The following LRRC4C variants were observed in gnomAD, a reference collection of about 807,000 sequenced individuals.
LRRC4C encodes the protein leucine rich repeat containing 4C.
In LRRC4C, 5 loss-of-function variants were observed where a neutral mutation model predicts 33.6. That is an observed-to-expected ratio of 0.15 (90% CI 0.08 to 0.31). The LOEUF is 0.31. Among genes scored for constraint, LRRC4C ranks in the 10% least tolerant of loss-of-function variants. The pLI, the probability that LRRC4C is intolerant of heterozygous loss-of-function variation, is 1.00. For missense variants in LRRC4C, 560 were observed against 796.7 expected, an observed-to-expected ratio of 0.70 and a Z score of 3.58; for synonymous variants, 329 against 302.0, an observed-to-expected ratio of 1.09 and a Z score of -0.93.
chr11:41,046,143 G>A (rs1361084783), intron 1 of LRRC4C, among the ~76,000 whole-genome samples: 1 of 151,996 alleles, frequency 6.6e-6, no homozygotes, highest in East Asian at 1.9e-4. Context: ...TGCTAATAAA[G>A]GAATAACTCT....
chr11:40,975,872 T>C (rs1852045561), intron 1 of LRRC4C, among the ~76,000 whole-genome samples: 1 of 152,188 alleles, frequency 6.6e-6, no homozygotes, highest in East Asian at 1.9e-4. Flanking sequence ...TACTTGCTGA[T>C]CTGAACCCAA....
chr11:40,837,747 G>A (rs1221341250), intron 2 of LRRC4C, among the ~76,000 whole-genome samples: 1 of 151,686 alleles, frequency 6.6e-6, no homozygotes, highest in Non-Finnish European at 1.5e-5. Context: ...CTACTGGTGA[G>A]GCTGAAGAGG....
chr11:40,473,559 C>T (rs1274572615), intron 3 of LRRC4C, among the ~76,000 whole-genome samples: 1 of 152,134 alleles, frequency 6.6e-6, no homozygotes, highest in Non-Finnish European at 1.5e-5. Context: ...AGGAAGCCCT[C>T]TCTCACCACT....
chr11:40,476,579 C>T (rs1057228129), intron 3 of LRRC4C, among the ~76,000 whole-genome samples: 3 of 151,850 alleles, frequency 2.0e-5, no homozygotes, highest in African/African-American at 4.8e-5. Flanking sequence ...CTCCTGACCT[C>T]GTGATCCACC....
chr11:40,329,052 G>C lies in LRRC4C; in HGVS notation c.-269-9331C>G, dbSNP rs559248696. 2.6e-5 allele frequency among the ~76,000 whole-genome samples: 4 copies of C among 152,262 alleles called. No homozygotes were observed. The South Asian group carries it at 8.3e-4, about 32-fold the overall frequency. ...TGTGGGGGAAAACTGAGACCTCTGT[G>C]GTGAGCCAAAAAGTAGGCTTAGTGC... On this transcript the variant is annotated intron_variant, in intron 3 of 6. Coordinates refer to ENST00000528697, the MANE Select transcript of LRRC4C (RefSeq NM_001258419.2).
chr11:40,144,639 T>C (rs1857594395), intron 5 of LRRC4C, among the ~76,000 whole-genome samples: 1 of 152,226 alleles, frequency 6.6e-6, no homozygotes, highest in Non-Finnish European at 1.5e-5. Flanking sequence ...TATTACCCTA[T>C]CTGACCCTCA....
At chr11:40,209,776 CCTCAAGA>C (rs1477770731) in intron 5 of LRRC4C, among the ~76,000 whole-genome samples, 7 of 152,104 alleles carry the variant, frequency 4.6e-5, no homozygotes, top group Admixed American at 1.3e-4. Context: ...GCATTCTGTT[CCTCAAGA>C]ACTTTAATTC....
intron 4 of LRRC4C, among the ~76,000 whole-genome samples, chr11:40,304,735 C>CTT (rs773650734): frequency 2.1e-5 from 3 of 142,912 alleles, no homozygotes; most frequent in African/African-American, 2.6e-5. Context: ...GACTTTCAAC[C>CTT]TTTTTTTTTT....
chr11:40,765,394 G>A (rs1005982467), intron 2 of LRRC4C, among the ~76,000 whole-genome samples: 1 of 152,138 alleles, frequency 6.6e-6, no homozygotes, highest in African/African-American at 2.4e-5. Flanking sequence ...CTCCAGCTAT[G>A]CTTTCTATAG....
chr11:40,606,350 ATAAGT>A (rs1960586862), intron 3 of LRRC4C, among the ~76,000 whole-genome samples: 1 of 152,356 alleles, frequency 6.6e-6, no homozygotes, highest in Admixed American at 6.5e-5. Flanking sequence ...ATGTGCACAC[ATAAGT>A]TAAGACACAA....
chr11:41,084,491 C>T (rs2135504215), intron 1 of LRRC4C, among the ~76,000 whole-genome samples: 1 of 152,240 alleles, frequency 6.6e-6, no homozygotes, highest in East Asian at 1.9e-4. Context: ...TTACTTCCTA[C>T]CCTTCTTCCT....
chr11:40,795,726 T>A (rs1157329805), intron 2 of LRRC4C, among the ~76,000 whole-genome samples: 1 of 152,174 alleles, frequency 6.6e-6, no homozygotes, highest in Non-Finnish European at 1.5e-5. Flanking sequence ...ATATCCTTAA[T>A]GTTCAAAAGA....
At chr11:41,364,556 A>G (rs1952467831) in intron 1 of LRRC4C, among the ~76,000 whole-genome samples, 1 of 152,166 alleles carries the variant, frequency 6.6e-6, no homozygotes, top group Non-Finnish European at 1.5e-5. Flanking sequence ...GATTACAGGC[A>G]TGAGCCACTG....
At chr11:40,759,777 T>C (rs1949114680) in intron 2 of LRRC4C, among the ~76,000 whole-genome samples, 2 of 151,968 alleles carry the variant, frequency 1.3e-5, no homozygotes, top group Admixed American at 1.3e-4. Flanking sequence ...CTTTATACAT[T>C]TTTCCCCTTC....
At position 40,832,061 on chromosome 11, in the gene LRRC4C, C is replaced by T. The variant is rs370657522; in HGVS notation, c.-407+101574G>A. ...TTATATCACTGTGTGATTGTTATTG[C>T]GTGTACTTACACAAACTTAGTTGGC... On this transcript the variant is annotated intron_variant, in intron 2 of 6. Transcript: ENST00000528697. 3.1e-4 allele frequency among the ~76,000 whole-genome samples: 47 copies of T among 152,164 alleles called. No individual in the cohort carries two copies. The South Asian group carries it at 5.2e-3, about 17-fold the overall frequency.
chr11:40,821,652 T>A (rs1951933955), intron 2 of LRRC4C, among the ~76,000 whole-genome samples: 1 of 151,366 alleles, frequency 6.6e-6, no homozygotes, highest in South Asian at 2.1e-4. Context: ...TTTGTAAAAA[T>A]TAATAAATAA....
intron 1 of LRRC4C, among the ~76,000 whole-genome samples, chr11:41,281,102 T>TCACA (rs780934160): frequency 0.023 from 2,564 of 113,432 alleles, 27 homozygotes; most frequent in Non-Finnish European, 0.032. Context: ...TCTCTCTCTC[T>TCACA]CTCACACACA....
At chr11:40,596,975 T>C (rs1214378340) in intron 3 of LRRC4C, among the ~76,000 whole-genome samples, 1 of 152,128 alleles carries the variant, frequency 6.6e-6, no homozygotes, top group East Asian at 1.9e-4. Context: ...CAAATAGAAA[T>C]GTGATATCTT....
At chr11:41,403,074 C>T (rs1954086386) in intron 1 of LRRC4C, among the ~76,000 whole-genome samples, 1 of 151,994 alleles carries the variant, frequency 6.6e-6, no homozygotes, top group Non-Finnish European at 1.5e-5. Context: ...CTTAGCTGGT[C>T]ATCTGAACAA....
Sources: gnomAD v4.1 joint callset for allele counts (sites outside exome capture counted in the v4.1 genomes callset) on GRCh38, gnomAD v4.1.1 for gene constraint, MANE v1.5 for transcripts, NCBI Gene and HGNC (gene_info 2026-07-23, HGNC 2026-07-21) for gene names.